WASHC2A: variants seen among roughly 807,000 people sequenced by gnomAD.
WASHC2A encodes WASH complex subunit 2A.
In WASHC2A, 82 loss-of-function variants were observed where a neutral mutation model predicts 140.3. The ratio of observed to expected loss-of-function variants is 0.58; its 90% CI spans 0.49 to 0.70. WASHC2A has a LOEUF of 0.70. Among genes scored for constraint, WASHC2A ranks in the 30% least tolerant of loss-of-function variants. The pLI is 0.00. For synonymous variants in WASHC2A, 340 were observed against 560.8 expected, an observed-to-expected ratio of 0.61 and a Z score of 5.56; for missense variants, 985 against 1,521.8, an observed-to-expected ratio of 0.65 and a Z score of 5.87.
chr10:50,090,515 A>AAAAAAAAAAAAATATATATAT (rs1214596899), intron 8 of WASHC2A, among the ~76,000 whole-genome samples: 2 of 108,736 alleles, frequency 1.8e-5, no homozygotes, highest in African/African-American at 6.5e-5. Flanking sequence ...AAAAAAAAAA[A>AAAAAAAAAAAAATATATATAT]ATATATATAT....
intron 3 of WASHC2A, among the ~76,000 whole-genome samples, chr10:50,072,342 C>T (rs1554876495): frequency 1.3e-5 from 2 of 152,106 alleles, no homozygotes. Flanking sequence ...ATCTTAATTA[C>T]TTCCCAGACC....
At chr10:50,085,115 A>G (rs1839277756) in intron 6 of WASHC2A, among the ~76,000 whole-genome samples, 1 of 78,958 alleles carries the variant, frequency 1.3e-5, no homozygotes, top group Non-Finnish European at 2.4e-5. Flanking sequence ...TCCCAGTGAC[A>G]CCCTTTACAG....
chr10:50,110,649 T>C (rs1288838109), intron 20 of WASHC2A, among the ~76,000 whole-genome samples: 1 of 152,108 alleles, frequency 6.6e-6, no homozygotes, highest in South Asian at 2.1e-4. Context: ...TCCCAGCACT[T>C]TGGGAGGCCG....
Position 50,095,693 on chromosome 10 carries a change from C to G in WASHC2A, c.1335C>G (p.Pro445=). 1.9e-6 allele frequency: 3 copies of G among 1,611,502 alleles called. No individual in the cohort carries two copies. The highest frequency in any genetic ancestry group is 1.1e-5 in the South Asian group (1 of 90,928). ...QPTPRKSPYG[P]PPTGLFDDDD... is the part of the protein sequence containing the mutation. ...CTCCAAGGAAAAGCCCCTATGGTCC[C>G]CCTCCCACTGGCCTCTTTGATGATG... Residue 445 remains proline, a synonymous_variant, in exon 15 of 31, where the codon CCC becomes CCG. Transcript: ENST00000282633.
At chr10:50,074,389 C>T (rs781093192) in intron 3 of WASHC2A, among the ~76,000 whole-genome samples, 3 of 149,620 alleles carry the variant, frequency 2.0e-5, no homozygotes, top group Non-Finnish European at 4.4e-5. Context: ...CTGCAGGCTG[C>T]TGATAGGTAA....
rs771416807 is a variant in WASHC2A at position 50,130,024 on chromosome 10, A to T, written c.3693A>T (p.Thr1231=). 66 of 1,611,782 alleles carry T rather than the reference A, an allele frequency of 4.1e-5. No homozygotes were observed. The African/African-American group carries it at 8.2e-4, about 20-fold the overall frequency. The change falls in exon 29 of 31, where the codon ACA becomes ACT. Residue 1231 remains threonine, a synonymous_variant. Transcript: ENST00000282633. ...SNSQQDVILT[T]QDIFEDDIFA... ...GTCAGCAGGATGTCATATTAACAACACAAGATATTTTTGAGGTAATAGGAC... is the reference window on the plus strand; with the variant it reads ...GTCAGCAGGATGTCATATTAACAACTCAAGATATTTTTGAGGTAATAGGAC...
rs782423795 is a variant in WASHC2A, at chr10:50,069,561, A to T, written c.141A>T (p.Leu47=). Residue 47 remains leucine, a synonymous_variant, in exon 3 of 31, where the codon CTA becomes CTT. Transcript: ENST00000282633. ...LAADAGLLQF[L]QEFSQQTISR... ...TTTTAAAATAGCTACTACAGTTTCT[A>T]CAGGAATTCTCACAGCAAACTATCT... 4 of 1,613,476 alleles carry T rather than the reference A, an allele frequency of 2.5e-6. No homozygotes were observed. The South Asian group carries it at 4.4e-5, about 18-fold the overall frequency.
chr10:50,108,889 G>GA (rs1182148936), intron 19 of WASHC2A, among the ~76,000 whole-genome samples: 3,854 of 75,590 alleles, frequency 0.051, 75 homozygotes, highest in Middle Eastern at 0.065. Context: ...CTCGAAAAAG[G>GA]AAAAAAAAAA....
At chr10:50,087,155 G>A in intron 7 of WASHC2A, 120 bp from the exon 8 acceptor site, 8 of 1,341,380 alleles carry the variant, frequency 6.0e-6, no homozygotes, top group Non-Finnish European at 8.6e-6. Flanking sequence ...GAGACTGAGT[G>A]TCAGAGCTTT....
At chr10:50,072,869 T>C (rs1468013729) in intron 3 of WASHC2A, among the ~76,000 whole-genome samples, 1 of 152,202 alleles carries the variant, frequency 6.6e-6, no homozygotes, top group Non-Finnish European at 1.5e-5. Context: ...TGGTGCCATT[T>C]GGTTTCATGG....
At chr10:50,077,540 T>TA (rs1838475299) in intron 3 of WASHC2A, among the ~76,000 whole-genome samples, 1 of 152,094 alleles carries the variant, frequency 6.6e-6, no homozygotes, top group African/African-American at 2.4e-5. Flanking sequence ...TTCAGTCCTT[T>TA]AAAAAGTATA....
Position 50,125,185 on chromosome 10 carries a change from C to T in WASHC2A, c.2551C>T (p.Leu851Phe), listed in dbSNP as rs1371393411. 25 of 1,610,632 alleles carry T rather than the reference C, an allele frequency of 1.6e-5. No individual in the cohort carries two copies. In the Admixed American group the frequency reaches 3.7e-4, roughly 24 times the overall value. ...TGAAGAGCTGCTTTTCAGCCACAAG[C>T]TCCAAAAGGACAATGACCCAGATGT... is the stretch of plus-strand genomic sequence containing the variant. ...QDEELLFSHK[L>F]QKDNDPDVDL... is the part of the protein sequence containing the mutation. The change falls in exon 24 of 31, where the codon CTC becomes TTC. Residue 851 changes from leucine (L) to phenylalanine (F), a missense_variant. Leu to Phe is a conservative substitution (Grantham distance 22). Coordinates refer to ENST00000282633, the MANE Select transcript of WASHC2A (RefSeq NM_001005751.3).
chr10:50,097,826 G>A (rs1554885191), intron 16 of WASHC2A, 24 bp downstream of exon 16: 13 of 1,611,212 alleles, frequency 8.1e-6, no homozygotes, highest in East Asian at 4.5e-5. Flanking sequence ...AAGACTTAAC[G>A]CAGGAGCATT....
At chr10:50,103,679 CTT>C (rs1841462021) in intron 17 of WASHC2A, among the ~76,000 whole-genome samples, 1 of 152,202 alleles carries the variant, frequency 6.6e-6, no homozygotes, top group Non-Finnish European at 1.5e-5. Context: ...CCTGTCTAAT[CTT>C]TGATTCTTTA....
chr10:50,127,929 G>T (rs1843583417), intron 28 of WASHC2A, 134 bp downstream of exon 28: 1 of 1,553,664 alleles, frequency 6.4e-7, no homozygotes, highest in Non-Finnish European at 8.7e-7. Context: ...CCTTCCTTCA[G>T]CCACTCCCCA....
rs535979531 is a variant in WASHC2A at position 50,095,860 on chromosome 10, G to A, written c.1420+82G>A. 1.8e-5 allele frequency: 28 copies of A among 1,544,482 alleles called. 1 individual carries two copies. The African/African-American group carries it at 2.6e-4, about 14-fold the overall frequency. The stretch of plus-strand genomic sequence containing the variant: ...AAAGAACATAAGCTCACCTAGTTCT[G>A]TATCTCTTACAGTGCCAGAATCCCT... On this transcript the variant is annotated intron_variant, in intron 15 of 30. Transcript: ENST00000282633.
chr10:50,100,244 A>G (rs2132689471), intron 17 of WASHC2A, among the ~76,000 whole-genome samples, 180 bp downstream of exon 17: 1 of 152,230 alleles, frequency 6.6e-6, no homozygotes, highest in Non-Finnish European at 1.5e-5. Context: ...GCACTTTGGT[A>G]GGCCAAGGCA....
chr10:50,090,623 C>T (rs1839845555), intron 8 of WASHC2A, among the ~76,000 whole-genome samples, 153 bp from the exon 9 acceptor site: 2 of 140,910 alleles, frequency 1.4e-5, no homozygotes, highest in African/African-American at 2.6e-5. Flanking sequence ...TTATTTCTTC[C>T]AGCACATCTT....
At position 50,110,223 on chromosome 10, in the gene WASHC2A, C is replaced by T; in HGVS notation, c.1992C>T (p.Leu664=). ...CCAAGGCTGTGAAAAAGACCAGTCT[C>T]TTTGAGGAAGACGAAGAAGATGATC... ...QEAKAVKKTS[L]FEEDEEDDLF... The change falls in exon 20 of 31, where the codon CTC becomes CTT. Residue 664 remains leucine, a synonymous_variant. Coordinates refer to ENST00000282633, the MANE Select transcript of WASHC2A (RefSeq NM_001005751.3). The T allele has an allele frequency of 1.2e-6, 2 of 1,611,868 alleles. No individual in the cohort carries two copies. Among genetic ancestry groups the T allele is most frequent in the Non-Finnish European group, 1.7e-6 (2 of 1,179,824 alleles).
Sources: allele counts gnomAD v4.1 joint callset (sites outside exome capture counted in the v4.1 genomes callset), GRCh38; gene constraint gnomAD v4.1.1; transcripts MANE v1.5; gene names NCBI Gene and HGNC (gene_info 2026-07-23, HGNC 2026-07-21).